The following ADAMTSL4 variants were observed in gnomAD, a reference collection of about 807,000 sequenced individuals.
ADAMTSL4 encodes ADAMTS like 4, also known as ADAMTS-like protein 4.
In ADAMTSL4, 97 loss-of-function variants were observed where a neutral mutation model predicts 122.8. The observed-to-expected ratio is 0.79, with a 90% CI of 0.67 to 0.93. ADAMTSL4 has a LOEUF of 0.93. ADAMTSL4 is among the 40% of genes least tolerant of loss of function. The pLI is 0.00. For synonymous variants in ADAMTSL4, 592 were observed against 568.0 expected (o/e 1.04, Z -0.60); for missense variants, 1,408 against 1,453.5 (o/e 0.97, Z 0.51).
At chr1:150,550,964 G>A (rs193069971) in intron 2 of ADAMTSL4, 25 of 456,290 alleles carry the variant, frequency 5.5e-5, no homozygotes, top group African/African-American at 1.0e-4. Flanking sequence ...TTCCTCTCCC[G>A]GGTGCCTTTC....
intron 8 of ADAMTSL4, 134 bp downstream of exon 8, chr1:150,555,699 GCACAGA>G (rs1671983927): frequency 3.6e-5 from 46 of 1,280,486 alleles, no homozygotes; most frequent in Non-Finnish European, 5.0e-5. Context: ...ACGCATATGC[GCACAGA>G]CACATGCACA....
chr1:150,558,721 A>G, intron 15 of ADAMTSL4, 72 bp downstream of exon 15: 2 of 1,611,960 alleles, frequency 1.2e-6, no homozygotes, highest in Non-Finnish European at 1.7e-6. Context: ...CCTTTCCAGC[A>G]TAGCTCAATA....
In ADAMTSL4 at chr1:150,554,455, C is replaced by A. The variant is rs755162489; in HGVS notation, c.1222C>A (p.Pro408Thr). ...EFMGQLYQWE[P>T]FTEVQGSQRC... is the part of the protein sequence containing the mutation. ...CATGGGCCAGCTGTATCAGTGGGAG[C>A]CCTTCACTGAAGGTGAGGTTTCTTG... Residue 408 changes from proline (P) to threonine (T), a missense_variant, in exon 7 of 19, where the codon CCC becomes ACC. Physicochemically the swap from Pro to Thr is conservative, Grantham distance 38. Transcript: ENST00000271643. The surrounding 1 kb of genome is among the most constrained non-coding windows in gnomAD (Gnocchi z 4.0). The A allele has an allele frequency of 2.5e-6, 4 of 1,613,980 alleles. No homozygotes were observed. In the African/African-American group the frequency reaches 4.0e-5, roughly 16 times the overall value.
chr1:150,560,272 G>A lies in ADAMTSL4; in HGVS notation c.*76G>A, dbSNP rs1672644697. 3 of 1,588,992 alleles carry A rather than the reference G, an allele frequency of 1.9e-6. No individual in the cohort carries two copies. The highest frequency in any genetic ancestry group is 1.7e-5 in the Admixed American group (1 of 57,788). On this transcript the variant is annotated 3_prime_UTR_variant, in exon 19 of 19. Transcript: ENST00000271643. ...TTGATCGGCCCACTCTGAACCCCCT[G>A]GCTCTCCAGCCTGTCCCAGTCTCAG... is the stretch of plus-strand genomic sequence containing the variant.
At chr1:150,551,332 C>T (rs1671386444) in intron 2 of ADAMTSL4, 1 of 320,286 alleles carries the variant, frequency 3.1e-6, no homozygotes, top group Non-Finnish European at 6.2e-6. Flanking sequence ...GAGATTAAAC[C>T]GTCAACCCAT....
In ADAMTSL4 at chr1:150,556,738, G is replaced by A. The variant is rs1570947876; in HGVS notation, c.1694G>A (p.Gly565Asp). The change falls in exon 10 of 19, where the codon GGC (glycine) becomes GAC (aspartate). Residue 565 changes from glycine to aspartate, a missense_variant. Gly to Asp is a moderately conservative substitution (Grantham distance 94). Transcript: ENST00000271643. The surrounding 1 kb of genome is among the most constrained non-coding windows in gnomAD (Gnocchi z 4.1). ...TATAACCGTCCTCCCAGGGAGGAGGGCAAAGGGGAGAGTCTGTCGGCTGAA... is the reference window on the plus strand; with the variant it reads ...TATAACCGTCCTCCCAGGGAGGAGGACAAAGGGGAGAGTCTGTCGGCTGAA... ...FRYNRPPREE[G>D]KGESLSAEGP... The A allele has an allele frequency of 6.2e-7, 1 of 1,613,932 alleles. No individual in the cohort carries two copies. The highest frequency in any genetic ancestry group is 8.5e-7 in the Non-Finnish European group (1 of 1,179,898).
rs1672662270 is a variant in ADAMTSL4, at chr1:150,560,571, A to G, written c.*375A>G. 3.4e-6 allele frequency: 1 copy of G among 293,218 alleles called. No individual in the cohort carries two copies. The highest frequency in any genetic ancestry group is 1.2e-3 in the Middle Eastern group (1 of 848). 18.2% of individuals were successfully genotyped at this position (293,218 alleles called of 1,614,324 possible). On this transcript the variant is annotated 3_prime_UTR_variant, in exon 19 of 19. Transcript: ENST00000271643. The stretch of plus-strand genomic sequence containing the variant: ...TTCCTTGCTAATCTGAGCTACTTAG[A>G]GTGTGGTCTCCCCACCAACTCCAGT...
chr1:150,550,240 G>T (rs993584417), intron 2 of ADAMTSL4: 1 of 456,640 alleles, frequency 2.2e-6, no homozygotes, highest in East Asian at 7.0e-5. Context: ...CCTCGTCCTG[G>T]GCCGGGAACG....
rs749389911 is a variant in ADAMTSL4, at chr1:150,554,634, G to A, written c.1234+167G>A. 6.5e-7 allele frequency: 1 copy of A among 1,542,734 alleles called. No homozygotes were observed. On this transcript the variant is annotated intron_variant, in intron 7 of 18. Coordinates refer to ENST00000271643, the MANE Select transcript of ADAMTSL4 (RefSeq NM_019032.6). The surrounding 1 kb of genome is among the most constrained non-coding windows in gnomAD (Gnocchi z 4.0). ...GGCTGGGTCAGGAGACAGCACAGGTGGTGAGTGGTCTGCAGAAGGGTCGGG... is the reference window on the plus strand; with the variant it reads ...GGCTGGGTCAGGAGACAGCACAGGTAGTGAGTGGTCTGCAGAAGGGTCGGG...
chr1:150,549,436 G>C lies in ADAMTSL4; in HGVS notation c.-222G>C, dbSNP rs1671175543. On this transcript the variant is annotated 5_prime_UTR_variant, in exon 1 of 19. Coordinates refer to ENST00000271643, the MANE Select transcript of ADAMTSL4 (RefSeq NM_019032.6). This position sits in a 1 kb window ranked among gnomAD's most constrained non-coding sequence, Gnocchi z 5.0. ...GGCCCCAGTGGCCGCCGCGGAGCGA[G>C]GTTGCCTGGAGAGAGCGCCTGGGCG... 6.6e-6 allele frequency: 1 copy of C among 152,282 alleles called. No individual in the cohort carries two copies. Among genetic ancestry groups the C allele is most frequent in the Non-Finnish European group, 1.5e-5 (1 of 67,948 alleles). 9.4% of individuals were successfully genotyped at this position (152,282 alleles called of 1,614,324 possible).
Position 150,552,652 on chromosome 1 carries a change from C to A in ADAMTSL4, c.78+52C>A, listed in dbSNP as rs1570921619. The A allele has an allele frequency of 6.4e-7, 1 of 1,573,420 alleles. No homozygotes were observed. Among genetic ancestry groups the A allele is most frequent in the Admixed American group, 1.8e-5 (1 of 54,452 alleles). The stretch of plus-strand genomic sequence containing the variant: ...CAGCCTGCCTGCCACCCTTTCATCT[C>A]CCCCTAGGCTCCCACCCCATCTCTC... On this transcript the variant is annotated intron_variant, in intron 4 of 18. Coordinates refer to ENST00000271643, the MANE Select transcript of ADAMTSL4 (RefSeq NM_019032.6). The surrounding 1 kb of genome is among the most constrained non-coding windows in gnomAD (Gnocchi z 4.0).
At position 150,554,725 on chromosome 1, in the gene ADAMTSL4, T is replaced by G; in HGVS notation, c.1234+258T>G. On this transcript the variant is annotated intron_variant, in intron 7 of 18. Coordinates refer to ENST00000271643, the MANE Select transcript of ADAMTSL4 (RefSeq NM_019032.6). The surrounding 1 kb of genome is among the most constrained non-coding windows in gnomAD (Gnocchi z 4.0). ...CCCCTGGGAAGGCCATCACTGGGGG[T>G]CAGGTGGCTGTGACACAAGAGGGCC... 1 of 1,427,218 alleles carries G rather than the reference T, an allele frequency of 7.0e-7. No homozygotes were observed. 88.4% of individuals were successfully genotyped at this position (1,427,218 alleles called of 1,614,324 possible).
chr1:150,554,103 T>C lies in ADAMTSL4; in HGVS notation c.1112T>C (p.Leu371Pro). The C allele has an allele frequency of 6.2e-7, 1 of 1,600,102 alleles. No individual in the cohort carries two copies. The highest frequency in any genetic ancestry group is 8.5e-7 in the Non-Finnish European group (1 of 1,179,904). Residue 371 changes from leucine to proline, a missense_variant, in exon 6 of 19, where the codon CTA becomes CCA. Physicochemically the swap from Leu to Pro is moderately conservative, Grantham distance 98. Transcript: ENST00000271643. The surrounding 1 kb of genome is among the most constrained non-coding windows in gnomAD (Gnocchi z 4.0). ...AGATGTTCTGGGGAGAGTGAACAGC[T>C]AAGAGCCTGCAGCCAAGCGGTGAGT... ...IPRCSGESEQ[L>P]RACSQAPCPP...
chr1:150,552,812 C>G lies in ADAMTSL4; in HGVS notation c.79-86C>G. 7.0e-7 allele frequency: 1 copy of G among 1,436,068 alleles called. No individual in the cohort carries two copies. Among genetic ancestry groups the G allele is most frequent in the Non-Finnish European group, 9.7e-7 (1 of 1,027,412 alleles). The allele number at this position is 1,436,068 out of a possible 1,614,324, so 89.0% of individuals were successfully genotyped here. A position where few individuals can be genotyped will look rare whatever the true frequency, so the allele number is the denominator to read the frequency against. ...TGTGACCTTGGACTGGTAGCGACTC[C>G]GTGAGCCTCAGTGTTGGTCTACATG... On this transcript the variant is annotated intron_variant, in intron 4 of 18. Transcript: ENST00000271643. This position sits in a 1 kb window ranked among gnomAD's most constrained non-coding sequence, Gnocchi z 4.0.
In ADAMTSL4 at chr1:150,558,603, T is replaced by TG. The variant is rs1324078423; in HGVS notation, c.2517dup (p.Pro840AlafsTer60). ...CCCCCCAGCAGAGAGGCCTGTGACA[T>TG]GGGGCCCTGTACTACTGCCTGGTTC... On this transcript the variant is annotated frameshift_variant, in exon 15 of 19. Transcript: ENST00000271643. LOFTEE classifies it high-confidence loss of function. 2 of 1,613,670 alleles carry TG rather than the reference T, an allele frequency of 1.2e-6. No homozygotes were observed. Among genetic ancestry groups the TG allele is most frequent in the Non-Finnish European group, 1.7e-6 (2 of 1,179,918 alleles).
intron 15 of ADAMTSL4, 47 bp from the exon 16 acceptor site, chr1:150,558,915 C>T: frequency 6.4e-7 from 1 of 1,561,616 alleles, no homozygotes; most frequent in African/African-American, 1.3e-5. Flanking sequence ...GTCCCTTGTG[C>T]CAGTCACCAG....
At position 150,554,464 on chromosome 1, in the gene ADAMTSL4, G is replaced by A; in HGVS notation, c.1231G>A (p.Glu411Lys). Residue 411 changes from glutamate to lysine, a missense_variant, in exon 7 of 19, where the codon GAA becomes AAA. Coordinates refer to ENST00000271643, the MANE Select transcript of ADAMTSL4 (RefSeq NM_019032.6). The surrounding 1 kb of genome is among the most constrained non-coding windows in gnomAD (Gnocchi z 4.0). ...GQLYQWEPFT[E>K]VQGSQRCELN... is the part of the protein sequence containing the mutation. ...GCTGTATCAGTGGGAGCCCTTCACTGAAGGTGAGGTTTCTTGCTCACCCCT... is the reference window on the plus strand; with the variant it reads ...GCTGTATCAGTGGGAGCCCTTCACTAAAGGTGAGGTTTCTTGCTCACCCCT... 1 of 1,614,158 alleles carries A rather than the reference G, an allele frequency of 6.2e-7. No homozygotes were observed. Among genetic ancestry groups the A allele is most frequent in the East Asian group, 2.2e-5 (1 of 44,882 alleles).
Position 150,556,163 on chromosome 1 carries a change from G to C in ADAMTSL4, c.1373G>C (p.Ser458Thr), listed in dbSNP as rs903505051. The change falls in exon 9 of 19, where the codon AGC (serine) becomes ACC (threonine). Residue 458 changes from serine (S) to threonine (T), a missense_variant and splice_region_variant. By Grantham distance (58) the Ser-to-Thr change is moderately conservative. Transcript: ENST00000271643. The surrounding 1 kb of genome is among the most constrained non-coding windows in gnomAD (Gnocchi z 4.1). The stretch of plus-strand genomic sequence containing the variant: ...ACTGCCTCACCTCACTCTCTCCAGA[G>C]CCCCGGCTGTGATGGGATCCTTGGC... ...PDICVAGRCLSPGCDGILGSG... is the reference protein window; with the variant it reads ...PDICVAGRCLTPGCDGILGSG... The C allele has an allele frequency of 3.1e-6, 5 of 1,613,912 alleles. No homozygotes were observed. In the African/African-American group the frequency reaches 5.3e-5, roughly 17 times the overall value.
chr1:150,557,833 C>G, intron 13 of ADAMTSL4, 112 bp from the exon 14 acceptor site: 2 of 1,431,268 alleles, frequency 1.4e-6, no homozygotes, highest in Non-Finnish European at 1.9e-6. Context: ...CAAACGTGCC[C>G]ACTCTCCTCT....
Sources: gnomAD v4.1 joint callset for allele counts on GRCh38, gnomAD v4.1.1 for gene constraint, Gnocchi (gnomAD v3.1) non-coding constraint, MANE v1.5 for transcripts, NCBI Gene and HGNC (gene_info 2026-07-23, HGNC 2026-07-21) for gene names.